PRTN3: variants seen among roughly 807,000 people sequenced by gnomAD.
The protein encoded by PRTN3 is myeloblastin.
A neutral mutation model predicts 20.7 loss-of-function variants in PRTN3; 22 were observed. The ratio of observed to expected loss-of-function variants is 1.06; its 90% CI spans 0.76 to 1.52. The LOEUF (loss-of-function observed/expected upper bound fraction) is 1.52. PRTN3 is among the 40% of genes most tolerant of loss of function. The probability of loss-of-function intolerance (pLI) is 0.00; values close to 1 mark genes in which losing one functional copy is unlikely to be tolerated. For missense variants in PRTN3, 378 were observed against 359.6 expected, an observed-to-expected ratio of 1.05 and a Z score of -0.41; for synonymous variants, 173 against 152.9, an observed-to-expected ratio of 1.13 and a Z score of -0.97.
Position 843,277 on chromosome 19 carries a change from C to G in PRTN3, c.62-184C>G, listed in dbSNP as rs1439635759. ...GGACTGAAAGCTGCCACCAGGGCGC[C>G]TTTGGAAATCGTCGTAATTATAACC... On this transcript the variant is annotated intron_variant, in intron 1 of 4. Transcript: ENST00000234347. 10 of 610,786 alleles carry G rather than the reference C, an allele frequency of 1.6e-5. No homozygotes were observed. In the East Asian group the frequency reaches 3.0e-4, roughly 19 times the overall value. 37.8% of individuals were successfully genotyped at this position (610,786 alleles called of 1,614,324 possible). A position where few individuals can be genotyped will look rare whatever the true frequency, so the allele number is the denominator to read the frequency against.
rs1195931032 is a variant in PRTN3 at position 846,327 on chromosome 19, C to T, written c.550C>T (p.Pro184Ser). Reference sequence around the variant, plus strand: ...CACCGTGGTCACCTTCTTCTGCCGGCCACATAACATTTGCACTTTCGTCCC... The same window carrying T: ...CACCGTGGTCACCTTCTTCTGCCGGTCACATAACATTTGCACTTTCGTCCC... Reference protein sequence around the residue: ...NVTVVTFFCRPHNICTFVPRR... With the variant: ...NVTVVTFFCRSHNICTFVPRR... The change falls in exon 4 of 5, where the codon CCA becomes TCA. Residue 184 changes from proline to serine, a missense_variant. By Grantham distance (74) the Pro-to-Ser change is moderately conservative. Transcript: ENST00000234347. The T allele has an allele frequency of 6.3e-7, 1 of 1,590,660 alleles. No homozygotes were observed. Among genetic ancestry groups the T allele is most frequent in the Non-Finnish European group, 8.6e-7 (1 of 1,169,246 alleles).
intron 4 of PRTN3, among the ~76,000 whole-genome samples, chr19:846,657 C>G (rs1436362069): frequency 6.6e-6 from 1 of 152,234 alleles, no homozygotes; most frequent in Admixed American, 6.5e-5. Context: ...ACCGGCGGCC[C>G]CTTCCAGAAT....
intron 4 of PRTN3, among the ~76,000 whole-genome samples, chr19:847,352 A>G (rs11881698): frequency 0.53 from 80,782 of 151,196 alleles, 22,311 homozygotes; most frequent in East Asian, 0.86. Context: ...CAGGAGAATC[A>G]CTTGAACCCG....
At chr19:847,045 C>T (rs2035526190) in intron 4 of PRTN3, among the ~76,000 whole-genome samples, 1 of 152,156 alleles carries the variant, frequency 6.6e-6, no homozygotes, top group Non-Finnish European at 1.5e-5. Context: ...GTGGCTCACG[C>T]CTGTAATCTC....
At position 843,473 on chromosome 19, in the gene PRTN3, C is replaced by T. The variant is rs1051541138; in HGVS notation, c.74C>T (p.Ala25Val). 1 of 1,571,162 alleles carries T rather than the reference C, an allele frequency of 6.4e-7. No individual in the cohort carries two copies. Among genetic ancestry groups the T allele is most frequent in the Non-Finnish European group, 8.6e-7 (1 of 1,163,078 alleles). ...TCCCCCCCTGCAGGTGCTGCCCGAGCTGCGGAGATCGTGGGCGGGCACGAG... is the reference window on the plus strand; with the variant it reads ...TCCCCCCCTGCAGGTGCTGCCCGAGTTGCGGAGATCGTGGGCGGGCACGAG... ...LALLLSGAAR[A>V]AEIVGGHEAQ... Residue 25 changes from alanine to valine, a missense_variant, in exon 2 of 5, where the codon GCT (alanine) becomes GTT (valine). Physicochemically the swap from Ala to Val is moderately conservative, Grantham distance 64. Transcript: ENST00000234347.
intron 4 of PRTN3, among the ~76,000 whole-genome samples, chr19:846,691 G>A (rs2035521627): frequency 6.6e-6 from 1 of 152,194 alleles, no homozygotes; most frequent in South Asian, 2.1e-4. Context: ...TATCCAGCGG[G>A]AGGCCCATAA....
chr19:845,571 G>A (rs1185481341), intron 3 of PRTN3, among the ~76,000 whole-genome samples: 4 of 151,934 alleles, frequency 2.6e-5, no homozygotes, highest in African/African-American at 7.3e-5. Context: ...AAAATTAGCT[G>A]GGCGTGACGG....
chr19:848,031 C>T lies in PRTN3; in HGVS notation c.*62C>T. 2 of 1,522,958 alleles carry T rather than the reference C, an allele frequency of 1.3e-6. No homozygotes were observed. Among genetic ancestry groups the T allele is most frequent in the Non-Finnish European group, 1.8e-6 (2 of 1,133,990 alleles). 94.3% of individuals were successfully genotyped at this position (1,522,958 alleles called of 1,614,324 possible). ...CTGGCTCCAAACCCTCGAGGCGGAT[C>T]TTTGGACAGAAGCAGCTCTTCCCCG... On this transcript the variant is annotated 3_prime_UTR_variant, in exon 5 of 5. Coordinates refer to ENST00000234347, the MANE Select transcript of PRTN3 (RefSeq NM_002777.4).
intron 4 of PRTN3, among the ~76,000 whole-genome samples, chr19:847,533 AAGAAAGAAAGAAAGAAAAAGAAAGAG>A (rs1568300971): frequency 6.3e-5 from 9 of 142,706 alleles, no homozygotes; most frequent in Non-Finnish European, 1.1e-4. Flanking sequence ...GAGAGAAAGA[AAGAAAGAAAGAAAGAAAAAGAAAGAG>A]AGAGAGAGAG....
rs1460718981 is a variant in PRTN3, at chr19:843,542, G to C, written c.143G>C (p.Arg48Pro). The C allele has an allele frequency of 1.0e-5, 16 of 1,597,438 alleles. No homozygotes were observed. The highest frequency in any genetic ancestry group is 1.3e-5 in the African/African-American group (1 of 74,708). The change falls in exon 2 of 5, where the codon CGG becomes CCG. Residue 48 changes from arginine (R) to proline (P), a missense_variant. Transcript: ENST00000234347. Reference sequence around the variant, plus strand: ...CCCTACATGGCCTCCCTGCAGATGCGGGGGAACCCGGGCAGCCACTTCTGC... The same window carrying C: ...CCCTACATGGCCTCCCTGCAGATGCCGGGGAACCCGGGCAGCCACTTCTGC... ...SRPYMASLQM[R>P]GNPGSHFCGG...
chr19:841,992 G>T (rs1231872146), intron 1 of PRTN3, among the ~76,000 whole-genome samples: 1 of 151,162 alleles, frequency 6.6e-6, no homozygotes, highest in Non-Finnish European at 1.5e-5. Flanking sequence ...CTCCCAAAGT[G>T]CTGGGATTAC....
At chr19:846,407 C>A (rs777566127) in intron 4 of PRTN3, 30 bp downstream of exon 4, 1 of 1,539,626 alleles carries the variant, frequency 6.5e-7, no homozygotes, top group African/African-American at 1.4e-5. Context: ...CCCCGGGCAC[C>A]GGGCTGCCAT....
rs75605579 is a variant in PRTN3, at chr19:844,098, C to T, written c.369+64C>T. ...CCAGAGGGCTCCGGGACCCCCATTC[C>T]TGCAGCCAGCATTCATTGAGCACCC... On this transcript the variant is annotated intron_variant, in intron 3 of 4. Coordinates refer to ENST00000234347, the MANE Select transcript of PRTN3 (RefSeq NM_002777.4). The T allele has an allele frequency of 2.5e-3, 3,847 of 1,520,286 alleles. 96 individuals carry two copies. In the African/African-American group the frequency reaches 0.049, roughly 19 times the overall value. 94.2% of individuals were successfully genotyped at this position (1,520,286 alleles called of 1,614,324 possible). A position where few individuals can be genotyped will look rare whatever the true frequency, so the allele number is the denominator to read the frequency against.
intron 1 of PRTN3, among the ~76,000 whole-genome samples, chr19:841,550 G>C (rs1312014733): frequency 9.1e-5 from 5 of 54,658 alleles, no homozygotes; most frequent in Non-Finnish European, 1.9e-4. Flanking sequence ...GTGAGTGAAT[G>C]AATGAGTGAA....
intron 4 of PRTN3, among the ~76,000 whole-genome samples, chr19:846,822 A>C (rs572292090): frequency 3.2e-4 from 49 of 152,208 alleles, no homozygotes; most frequent in Non-Finnish European, 4.6e-4. Context: ...AGCTCACTGC[A>C]ACCTCCACCT....
chr19:846,545 G>A (rs1049156827), intron 4 of PRTN3, among the ~76,000 whole-genome samples, 168 bp downstream of exon 4: 2 of 152,126 alleles, frequency 1.3e-5, no homozygotes, highest in Non-Finnish European at 2.9e-5. Flanking sequence ...AGCGGGGTGG[G>A]GGCGCTCACA....
intron 2 of PRTN3, 21 bp from the exon 3 acceptor site, chr19:843,872 G>A (rs146542642): frequency 0.015 from 22,884 of 1,573,114 alleles, 314 homozygotes; most frequent in South Asian, 0.051. Flanking sequence ...GCGCCGAGGA[G>A]TGACCACCCC....
rs546261033 is a variant in PRTN3 at position 843,316 on chromosome 19, C to G, written c.62-145C>G. The G allele has an allele frequency of 1.9e-5, 15 of 805,604 alleles. No individual in the cohort carries two copies. The East Asian group carries it at 4.1e-4, about 22-fold the overall frequency. The allele number at this position is 805,604 out of a possible 1,614,324, so 49.9% of individuals were successfully genotyped here. On this transcript the variant is annotated intron_variant, in intron 1 of 4. Transcript: ENST00000234347. ...GTAATTATAACCCCCCCGGCCTGGG[C>G]GCTGAGTCCTTCCCACCAGCCAGCA... is the stretch of plus-strand genomic sequence containing the variant.
Position 841,001 on chromosome 19 carries a change from AC to A in PRTN3, c.-4del. On this transcript the variant is annotated 5_prime_UTR_variant, in exon 1 of 5. Transcript: ENST00000234347. The stretch of plus-strand genomic sequence containing the variant: ...GAGCTTGACCGTGGGTGCACCCTGG[AC>A]CCCACCATGGCTCACCGGCCCCCCA... 6.2e-7 allele frequency: 1 copy of A among 1,609,100 alleles called. No homozygotes were observed.
Sources: allele counts gnomAD v4.1 joint callset (sites outside exome capture counted in the v4.1 genomes callset), GRCh38; gene constraint gnomAD v4.1.1; transcripts MANE v1.5; gene names NCBI Gene and HGNC (gene_info 2026-07-23, HGNC 2026-07-21).